ALDH5A1: variants seen among roughly 807,000 people sequenced by gnomAD.
ALDH5A1 encodes the protein succinate-semialdehyde dehydrogenase, mitochondrial.
Under a neutral mutation model 54.7 loss-of-function variants are expected in ALDH5A1, and 33 were observed. The ratio of observed to expected loss-of-function variants is 0.60; its 90% CI spans 0.46 to 0.81. The LOEUF is 0.81. ALDH5A1 is among the 30% of genes least tolerant of loss of function. The pLI is 0.00. For synonymous variants in ALDH5A1, 294 were observed against 292.7 expected (o/e 1.00, Z -0.05); for missense variants, 657 against 711.0 (o/e 0.92, Z 0.86).
In ALDH5A1 at chr6:24,522,916, G is replaced by T. The variant is rs553384589; in HGVS notation, c.1164G>T (p.Ala388=). 9 of 1,611,816 alleles carry T rather than the reference G, an allele frequency of 5.6e-6. No homozygotes were observed. Among genetic ancestry groups the T allele is most frequent in the African/African-American group, 1.3e-5 (1 of 74,748 alleles). The part of the protein sequence containing the change: ...TTQGPLINEK[A]VEKVEKQVND... The stretch of plus-strand genomic sequence containing the variant: ...AGGGCCCATTAATTAATGAAAAAGC[G>T]GTAGAAAAGGTAAGTATATTGTATT... The change falls in exon 7 of 10, where the codon GCG becomes GCT. Residue 388 remains alanine (A), a synonymous_variant. Coordinates refer to ENST00000357578, the MANE Select transcript of ALDH5A1 (RefSeq NM_001080.3).
chr6:24,497,008 T>A (rs990942939), intron 1 of ALDH5A1, among the ~76,000 whole-genome samples: 56 of 152,176 alleles, frequency 3.7e-4, no homozygotes, highest in African/African-American at 1.3e-3. Flanking sequence ...AGTTGGTTCC[T>A]GCCGGTAGGT....
chr6:24,504,692 C>T (rs1165829262), intron 3 of ALDH5A1, among the ~76,000 whole-genome samples, 177 bp from the exon 4 acceptor site: 2 of 152,074 alleles, frequency 1.3e-5, no homozygotes, highest in East Asian at 1.9e-4. Flanking sequence ...GCCTTTATCT[C>T]AGAGTCCCTC....
intron 4 of ALDH5A1, among the ~76,000 whole-genome samples, chr6:24,506,954 C>G (rs1418489707): frequency 6.6e-6 from 1 of 152,136 alleles, no homozygotes; most frequent in African/African-American, 2.4e-5. Context: ...TCTCCTTTTT[C>G]TGTTTCAGGA....
In ALDH5A1 at chr6:24,528,057, C is replaced by T. The variant is rs118203983; in HGVS notation, c.1234C>T (p.Arg412Ter). Reference protein sequence around the residue: ...KGATVVTGGKRHQLGKNFFEP... With the variant: ...KGATVVTGGK ...TGCCACCGTTGTGACAGGTGGAAAACGACACCAACTTGGAAAAAATTTCTT... is the reference window on the plus strand; with the variant it reads ...TGCCACCGTTGTGACAGGTGGAAAATGACACCAACTTGGAAAAAATTTCTT... The change falls in exon 8 of 10, where the codon CGA becomes TGA. Residue 412 changes from arginine (R) to a stop codon, truncating the protein, a stop_gained. Coordinates refer to ENST00000357578, the MANE Select transcript of ALDH5A1 (RefSeq NM_001080.3). LOFTEE classifies it high-confidence loss of function. 69 of 1,613,944 alleles carry T rather than the reference C, an allele frequency of 4.3e-5. No individual in the cohort carries two copies. Among genetic ancestry groups the T allele is most frequent in the Non-Finnish European group, 4.7e-5 (55 of 1,180,012 alleles).
intron 7 of ALDH5A1, 109 bp from the exon 8 acceptor site, chr6:24,527,888 A>T: frequency 7.9e-7 from 1 of 1,264,322 alleles, no homozygotes; most frequent in Non-Finnish European, 1.1e-6. Context: ...TTGTTAACCT[A>T]CTTTTTTTGA....
At chr6:24,533,405 C>A in intron 9 of ALDH5A1, 102 bp from the exon 10 acceptor site, 2 of 1,248,990 alleles carry the variant, frequency 1.6e-6, no homozygotes, top group Non-Finnish European at 2.3e-6. Context: ...ACTCCAGGCC[C>A]AAGTGGCTGG....
intron 4 of ALDH5A1, 55 bp from the exon 5 acceptor site, chr6:24,515,112 T>C (rs1400147515): frequency 2.4e-5 from 36 of 1,495,158 alleles, no homozygotes; most frequent in Non-Finnish European, 2.2e-5. Flanking sequence ...CTTTTTTTTT[T>C]TTTTTTTTTC....
intron 5 of ALDH5A1, among the ~76,000 whole-genome samples, chr6:24,515,838 A>G (rs2127386064): frequency 6.6e-6 from 1 of 152,332 alleles, no homozygotes; most frequent in East Asian, 1.9e-4. Flanking sequence ...AAATTGGGGC[A>G]GCGAGGGTCC....
In ALDH5A1 at chr6:24,507,933, C is replaced by G. The variant is rs143076159; in HGVS notation, c.726+2948C>G. Among the ~76,000 whole-genome samples the G allele has an allele frequency of 3.3e-3, 505 of 152,186 alleles. 2 individuals are homozygous for G. The highest frequency in any genetic ancestry group is 0.011 in the African/African-American group (459 of 41,510). On this transcript the variant is annotated intron_variant, in intron 4 of 9. Coordinates refer to ENST00000357578, the MANE Select transcript of ALDH5A1 (RefSeq NM_001080.3). ...ATTTGTAGTCTTTTATCCCTTGCCC[C>G]CTTCCTACCCTTTCTCCCTGAGTCC...
intron 4 of ALDH5A1, 86 bp downstream of exon 4, chr6:24,505,071 C>T: frequency 1.4e-6 from 2 of 1,413,416 alleles, no homozygotes; most frequent in South Asian, 2.3e-5. Flanking sequence ...AATTTTGGAG[C>T]CTACTTCTTT....
chr6:24,530,283 C>T (rs538533812), intron 8 of ALDH5A1, among the ~76,000 whole-genome samples: 1 of 152,266 alleles, frequency 6.6e-6, no homozygotes, highest in African/African-American at 2.4e-5. Context: ...TCCCTGATAT[C>T]TCCAGTGGGT....
rs1220581277 is a variant in ALDH5A1 at position 24,495,209 on chromosome 6, G to A, written c.213G>A (p.Pro71=). 52 of 1,507,272 alleles carry A rather than the reference G, an allele frequency of 3.4e-5. No homozygotes were observed. Among genetic ancestry groups the A allele is most frequent in the Non-Finnish European group, 4.6e-5 (52 of 1,135,806 alleles). 93.4% of individuals were successfully genotyped at this position (1,507,272 alleles called of 1,614,324 possible). The change falls in exon 1 of 10, where the codon CCG becomes CCA. Residue 71 remains proline (P), a synonymous_variant. Coordinates refer to ENST00000357578, the MANE Select transcript of ALDH5A1 (RefSeq NM_001080.3). Reference sequence around the variant, plus strand: ...GCTTCGTGGGCGGCCGCTGGCTCCCGGCCGCCGCCACCTTCCCCGTGCAAG... The same window carrying A: ...GCTTCGTGGGCGGCCGCTGGCTCCCAGCCGCCGCCACCTTCCCCGTGCAAG... ...TDSFVGGRWL[P]AAATFPVQDP...
At chr6:24,520,252 C>A in intron 5 of ALDH5A1, 149 bp from the exon 6 acceptor site, 1 of 906,844 alleles carries the variant, frequency 1.1e-6, no homozygotes, top group Non-Finnish European at 1.8e-6. Flanking sequence ...AATATATATT[C>A]TTATTTCTCC....
chr6:24,526,200 A>C (rs1420821539), intron 7 of ALDH5A1, among the ~76,000 whole-genome samples: 1 of 152,146 alleles, frequency 6.6e-6, no homozygotes, highest in Non-Finnish European at 1.5e-5. Context: ...GCTGAGAAGG[A>C]GCTGACCAGG....
intron 4 of ALDH5A1, chr6:24,512,017 G>A (rs1277905782): frequency 3.0e-5 from 12 of 393,926 alleles, no homozygotes; most frequent in Non-Finnish European, 4.9e-5. Context: ...TTTGTCCCAC[G>A]GGATGTTCCC....
At chr6:24,514,335 C>G (rs1759520211) in intron 4 of ALDH5A1, among the ~76,000 whole-genome samples, 1 of 152,236 alleles carries the variant, frequency 6.6e-6, no homozygotes, top group South Asian at 2.1e-4. Flanking sequence ...CTTGATTCTA[C>G]AGGTGAATCA....
At position 24,522,808 on chromosome 6, in the gene ALDH5A1, CCATGAT is replaced by C; in HGVS notation, c.1057_1062del (p.His353_Asp354del). ...ACCAATTCTTGGTGCAAAGGGGCAT[CCATGAT>C]GCCTTTGTAAAAGCATTCGCCGAGG... On this transcript the variant is annotated inframe_deletion, in exon 7 of 10. Transcript: ENST00000357578. The C allele has an allele frequency of 6.2e-7, 1 of 1,614,062 alleles. No homozygotes were observed. Among genetic ancestry groups the C allele is most frequent in the Non-Finnish European group, 8.5e-7 (1 of 1,180,008 alleles).
intron 1 of ALDH5A1, among the ~76,000 whole-genome samples, chr6:24,497,953 G>A (rs1764745934): frequency 1.3e-5 from 2 of 152,236 alleles, no homozygotes. Context: ...ACGGATTTAG[G>A]TGGGAGGCCA....
In ALDH5A1 at chr6:24,528,184, G is replaced by T. The variant is rs2127389595; in HGVS notation, c.1343+18G>T. The T allele has an allele frequency of 6.2e-7, 1 of 1,613,378 alleles. No homozygotes were observed. The highest frequency in any genetic ancestry group is 1.7e-4 in the Middle Eastern group (1 of 6,056). On this transcript the variant is annotated intron_variant, in intron 8 of 9. Transcript: ENST00000357578. ...GTTATCAAGTAAGATCCTCCAGCCA[G>T]CGGGGAGATGGGAGGAAGAATAGAA...
Sources: gnomAD v4.1 joint callset for allele counts (sites outside exome capture counted in the v4.1 genomes callset) on GRCh38, gnomAD v4.1.1 for gene constraint, MANE v1.5 for transcripts, NCBI Gene and HGNC (gene_info 2026-07-23, HGNC 2026-07-21) for gene names.